NRXN2: variants seen among roughly 807,000 people sequenced by gnomAD.
The protein encoded by NRXN2 is neurexin 2, also known as neurexin-2-beta.
A neutral mutation model predicts 128.8 loss-of-function variants in NRXN2; 29 were observed. That is an observed-to-expected ratio of 0.23 (90% CI 0.17 to 0.31). The LOEUF (loss-of-function observed/expected upper bound fraction) is 0.31. NRXN2 is among the 10% of genes least tolerant of loss of function. NRXN2 has a pLI of 1.00. For synonymous variants in NRXN2, 1,098 were observed against 1,075.2 expected (o/e 1.02, Z -0.41); for missense variants, 1,881 against 2,452.6 (o/e 0.77, Z 4.92).
In NRXN2 at chr11:64,648,776, C is replaced by T. The variant is rs749967463; in HGVS notation, c.3241G>A (p.Asp1081Asn). The change falls in exon 16 of 23, where the codon GAC (aspartate) becomes AAC (asparagine). Residue 1081 changes from aspartate (D) to asparagine (N), a missense_variant. Asp to Asn is a conservative substitution (Grantham distance 23, BLOSUM62 1). Around this residue, in one of 7 missense-constraint regions of NRXN2, gnomAD observed 390 missense variants for 599.6 expected, o/e 0.65. Transcript: ENST00000265459. The surrounding 1 kb of genome is among the most constrained non-coding windows in gnomAD (Gnocchi z 4.1). ...LNGRLPDLIA[D>N]ALHRIGQVER... ...ACCTGCCCAATGCGGTGCAGGGCGT[C>T]GGCGATGAGGTCTGGGAGACGTCCG... 6.2e-6 allele frequency: 10 copies of T among 1,614,138 alleles called. No homozygotes were observed. The highest frequency in any genetic ancestry group is 4.5e-5 in the East Asian group (2 of 44,886).
chr11:64,662,670 T>C (rs2135492876), intron 9 of NRXN2, among the ~76,000 whole-genome samples: 1 of 151,872 alleles, frequency 6.6e-6, no homozygotes, highest in South Asian at 2.1e-4. Context: ...TAGTCCCAGA[T>C]ACTCAGGAGG....
chr11:64,692,912 A>C (rs1011437584), intron 3 of NRXN2, 36 bp from the exon 4 acceptor site: 2 of 1,547,596 alleles, frequency 1.3e-6, no homozygotes, highest in Non-Finnish European at 8.9e-7. Flanking sequence ...AAGAAAGAAA[A>C]AAAGAAGAAG....
intron 11 of NRXN2, among the ~76,000 whole-genome samples, chr11:64,657,901 T>G (rs1367732584): frequency 1.3e-5 from 2 of 152,064 alleles, no homozygotes; most frequent in Non-Finnish European, 2.9e-5. Flanking sequence ...AAGAAATGGG[T>G]GGGAGGAGAG....
At position 64,653,690 on chromosome 11, in the gene NRXN2, A is replaced by G; in HGVS notation, c.2416+6T>C. 6.3e-7 allele frequency: 1 copy of G among 1,595,842 alleles called. No homozygotes were observed. Among genetic ancestry groups the G allele is most frequent in the Non-Finnish European group, 8.5e-7 (1 of 1,172,854 alleles). On this transcript the variant is annotated splice_donor_region_variant and intron_variant, in intron 12 of 22. Coordinates refer to ENST00000265459, the MANE Select transcript of NRXN2 (RefSeq NM_015080.4). Reference sequence around the variant, plus strand: ...GTCTCTGCAGAAGAAGAGGGAAGCCACTTACTGGGTGCGCAGCCGACGCGC... The same window carrying G: ...GTCTCTGCAGAAGAAGAGGGAAGCCGCTTACTGGGTGCGCAGCCGACGCGC...
intron 21 of NRXN2, among the ~76,000 whole-genome samples, chr11:64,621,490 G>C (rs187170490): frequency 6.8e-4 from 103 of 152,308 alleles, no homozygotes; most frequent in African/African-American, 2.4e-3. Flanking sequence ...GAGAGGAAGT[G>C]GGTACAGGCT....
chr11:64,695,443 C>G (rs979925361), intron 3 of NRXN2, among the ~76,000 whole-genome samples: 1 of 151,902 alleles, frequency 6.6e-6, no homozygotes, highest in African/African-American at 2.4e-5. Context: ...GGGAAGAAGG[C>G]GAAGGTACAG....
At chr11:64,670,181 C>T (rs1319880946) in intron 7 of NRXN2, among the ~76,000 whole-genome samples, 2 of 152,082 alleles carry the variant, frequency 1.3e-5, no homozygotes, top group Non-Finnish European at 2.9e-5. Flanking sequence ...TGGGAACCAT[C>T]AAACCTTGTG....
intron 22 of NRXN2, among the ~76,000 whole-genome samples, chr11:64,611,890 C>A (rs1392204483): frequency 6.6e-6 from 1 of 151,978 alleles, no homozygotes; most frequent in Non-Finnish European, 1.5e-5. Context: ...GTGTCCTCCC[C>A]TCACCCACAC....
chr11:64,642,536 T>C, intron 17 of NRXN2: 2 of 1,607,450 alleles, frequency 1.2e-6, no homozygotes, highest in Non-Finnish European at 1.7e-6. Flanking sequence ...CAGTGCCACT[T>C]ACCGTGGCCG....
rs948790770 is a variant in NRXN2 at position 64,630,342 on chromosome 11, C to G, written c.3757+60G>C. ...GCCCCGCCCCGGTGCGGCCGCACTC[C>G]TATCAGAGGCCGCCACCCGCCCCGC... On this transcript the variant is annotated intron_variant, in intron 19 of 22. Transcript: ENST00000265459. This position sits in a 1 kb window ranked among gnomAD's most constrained non-coding sequence, Gnocchi z 4.6. 1.7e-5 allele frequency: 26 copies of G among 1,534,552 alleles called. No individual in the cohort carries two copies. The highest frequency in any genetic ancestry group is 2.3e-5 in the Non-Finnish European group (26 of 1,133,600).
chr11:64,710,557 G>A (rs926071710), intron 2 of NRXN2, among the ~76,000 whole-genome samples: 1 of 152,126 alleles, frequency 6.6e-6, no homozygotes, highest in African/African-American at 2.4e-5. Flanking sequence ...CCACAGTGAG[G>A]CCAGGGACCG....
rs1298819319 is a variant in NRXN2 at position 64,635,651 on chromosome 11, G to A, written c.3404-199C>T. On this transcript the variant is annotated intron_variant, in intron 17 of 22. Transcript: ENST00000265459. This position sits in a 1 kb window ranked among gnomAD's most constrained non-coding sequence, Gnocchi z 4.8. ...TGCCTGGGTGAGAGCCTGTGCACGCGCACAGACAGATGTAGCTGCCTCATC... is the reference window on the plus strand; with the variant it reads ...TGCCTGGGTGAGAGCCTGTGCACGCACACAGACAGATGTAGCTGCCTCATC... 1.3e-5 allele frequency among the ~76,000 whole-genome samples: 2 copies of A among 152,150 alleles called. No individual in the cohort carries two copies. The highest frequency in any genetic ancestry group is 6.5e-5 in the Admixed American group (1 of 15,278).
At chr11:64,611,678 G>C (rs2135272282) in intron 22 of NRXN2, among the ~76,000 whole-genome samples, 1 of 152,246 alleles carries the variant, frequency 6.6e-6, no homozygotes. Flanking sequence ...GGACACACAG[G>C]CTCCTCGGGT....
At chr11:64,697,927 C>G in intron 2 of NRXN2, 135 bp from the exon 3 acceptor site, 1 of 994,406 alleles carries the variant, frequency 1.0e-6, no homozygotes, top group Non-Finnish European at 1.6e-6. Flanking sequence ...CATGAGTCAC[C>G]CAATGTGGAA....
rs750576695 is a variant in NRXN2, at chr11:64,677,068, A to AG, written c.1153-32dup. 3.1e-6 allele frequency: 4 copies of AG among 1,282,644 alleles called. No homozygotes were observed. The East Asian group carries it at 1.1e-4, about 35-fold the overall frequency. 79.5% of individuals were successfully genotyped at this position (1,282,644 alleles called of 1,614,324 possible). On this transcript the variant is annotated intron_variant, in intron 6 of 22. Coordinates refer to ENST00000265459, the MANE Select transcript of NRXN2 (RefSeq NM_015080.4). Reference sequence around the variant, plus strand: ...CCGGAGATATGGGGGGATGGGGAGGAGGGGGGTGTCAAAAAACAACAACAA... The same window carrying AG: ...CCGGAGATATGGGGGGATGGGGAGGAGGGGGGGTGTCAAAAAACAACAACAA...
intron 11 of NRXN2, among the ~76,000 whole-genome samples, chr11:64,657,648 G>C (rs7117423): frequency 3.9e-5 from 6 of 152,024 alleles, no homozygotes; most frequent in African/African-American, 7.3e-5. Context: ...TTACCCAACA[G>C]TAAAAGATAC....
At chr11:64,679,412 C>T (rs1463368732) in intron 6 of NRXN2, among the ~76,000 whole-genome samples, 19 of 151,876 alleles carry the variant, frequency 1.3e-4, no homozygotes, top group African/African-American at 3.6e-4. Context: ...CCGAGGCAGG[C>T]GGATCATGAG....
chr11:64,694,746 C>T (rs999389208), intron 3 of NRXN2, among the ~76,000 whole-genome samples: 2 of 152,166 alleles, frequency 1.3e-5, no homozygotes, highest in African/African-American at 2.4e-5. Flanking sequence ...TTCCAAACCC[C>T]CTAAACCCAG....
intron 7 of NRXN2, among the ~76,000 whole-genome samples, chr11:64,673,549 AC>A (rs1163498864): frequency 2.6e-5 from 4 of 152,248 alleles, no homozygotes; most frequent in Non-Finnish European, 5.9e-5. Context: ...CTATGAGGCC[AC>A]CAAAAGGCAA....
Sources: gnomAD v4.1 joint callset for allele counts (sites outside exome capture counted in the v4.1 genomes callset) on GRCh38, gnomAD v4.1.1 for gene constraint, gnomAD v4.1.1 regional missense constraint, Gnocchi (gnomAD v3.1) non-coding constraint, MANE v1.5 for transcripts, NCBI Gene and HGNC (gene_info 2026-07-23, HGNC 2026-07-21) for gene names.